Variants in GAMT observed in about 807,000 individuals in gnomAD.
GAMT encodes guanidinoacetate N-methyltransferase, also known as epididymis secretory protein Li 20.
A neutral mutation model predicts 26.9 loss-of-function variants in GAMT; 26 were observed. That is an observed-to-expected ratio of 0.97 (90% confidence interval 0.71 to 1.34). GAMT has a LOEUF of 1.34. GAMT is among the 40% of genes most tolerant of loss of function. The pLI is 0.00. For missense variants in GAMT, 412 were observed against 345.0 expected, an observed-to-expected ratio of 1.19 and a Z score of -1.54; for synonymous variants, 169 against 149.6, an observed-to-expected ratio of 1.13 and a Z score of -0.95.
intron 5 of GAMT, chr19:1,397,740 C>A: frequency 1.4e-6 from 2 of 1,406,164 alleles, no homozygotes; most frequent in Non-Finnish European, 1.9e-6. Context: ...GAGCCACCCC[C>A]GGGCACCTAC....
chr19:1,398,832 T>C (rs1195039307), intron 5 of GAMT, 84 bp downstream of exon 5: 69 of 1,577,900 alleles, frequency 4.4e-5, no homozygotes, highest in Non-Finnish European at 5.4e-5. Flanking sequence ...CCTCCCCAGG[T>C]AGCAAGGTGG....
Position 1,399,893 on chromosome 19 carries a change from G to A in GAMT, c.227C>T (p.Ser76Leu), listed in dbSNP as rs150338273. 5.1e-4 allele frequency: 821 copies of A among 1,608,680 alleles called. 3 individuals carry two copies. The highest frequency in any genetic ancestry group is 6.7e-4 in the Non-Finnish European group (786 of 1,178,380). Residue 76 changes from serine (S) to leucine (L), a missense_variant, in exon 2 of 6, where the codon TCA (serine) becomes TTA (leucine). By Grantham distance (145) the Ser-to-Leu change is moderately radical. Coordinates refer to ENST00000252288, the MANE Select transcript of GAMT (RefSeq NM_000156.6). This position sits in a 1 kb window ranked among gnomAD's most constrained non-coding sequence, Gnocchi z 6.2. ...EVGFGMAIAASKVQEAPIDEH... is the reference protein window; with the variant it reads ...EVGFGMAIAALKVQEAPIDEH... ...ATCAATGGGCGCCTCCTGCACCTTT[G>A]ACGCTGCGATGGCCATGCCAAAGCC...
chr19:1,398,719 T>G, intron 5 of GAMT, 197 bp downstream of exon 5: 1 of 1,540,206 alleles, frequency 6.5e-7, no homozygotes, highest in East Asian at 2.4e-5. Flanking sequence ...GCTGGGATTA[T>G]AGACCTGAGC....
Position 1,401,435 on chromosome 19 carries a change from CT to C in GAMT, c.41del (p.Glu14GlyfsTer28). 5 of 1,417,246 alleles carry C rather than the reference CT, an allele frequency of 3.5e-6. No homozygotes were observed. The highest frequency in any genetic ancestry group is 4.6e-6 in the Non-Finnish European group (5 of 1,085,330). The allele number at this position is 1,417,246 out of a possible 1,614,324, so 87.8% of individuals were successfully genotyped here. On this transcript the variant is annotated frameshift_variant, in exon 1 of 6. Transcript: ENST00000252288. LOFTEE classifies it high-confidence loss of function. ...PSATPIFAPG[E>X]NCSPAWGAAP... is the part of the protein sequence containing the mutation. ...CCGCCCCCCACGCGGGGCTGCAGTT[CT>C]CGCCGGGCGCGAAGATGGGGGTCGC...
At chr19:1,398,053 C>T (rs2082610589) in intron 5 of GAMT, 1 of 999,784 alleles carries the variant, frequency 1.0e-6, no homozygotes, top group Non-Finnish European at 1.2e-6. Flanking sequence ...CACTGGGGAG[C>T]CATGGGAGGT....
chr19:1,399,184 C>T lies in GAMT; in HGVS notation c.403G>A (p.Asp135Asn), dbSNP rs774144200. ...GTCTCCTCCGAGAGTGGGTACGTGT[C>T]GTACAGGATCCCTGCACGGAGAACA... Reference protein sequence around the residue: ...PDGHFDGILYDTYPLSEETWH... With the variant: ...PDGHFDGILYNTYPLSEETWH... Residue 135 changes from aspartate (D) to asparagine (N), a missense_variant, in exon 4 of 6, where the codon GAC becomes AAC. Physicochemically the swap from Asp to Asn is conservative, Grantham distance 23. Transcript: ENST00000252288. This position sits in a 1 kb window ranked among gnomAD's most constrained non-coding sequence, Gnocchi z 6.2. The T allele has an allele frequency of 3.8e-5, 61 of 1,613,480 alleles. No homozygotes were observed. The highest frequency in any genetic ancestry group is 4.6e-5 in the Non-Finnish European group (54 of 1,180,018).
intron 1 of GAMT, among the ~76,000 whole-genome samples, chr19:1,400,530 G>A (rs2082628034): frequency 6.6e-6 from 1 of 152,150 alleles, no homozygotes; most frequent in African/African-American, 2.4e-5. Flanking sequence ...CTTGGACTTT[G>A]AGCCCAGCCC....
rs1257240895 is a variant in GAMT, at chr19:1,399,970, G to A, written c.182-32C>T. The stretch of plus-strand genomic sequence containing the variant: ...AGACACAGGGCGCCTGGCATCACTA[G>A]GTGGGGCGGGCTTAGGAGGCTGCCT... On this transcript the variant is annotated intron_variant, in intron 1 of 5. Coordinates refer to ENST00000252288, the MANE Select transcript of GAMT (RefSeq NM_000156.6). This position sits in a 1 kb window ranked among gnomAD's most constrained non-coding sequence, Gnocchi z 6.2. 1.9e-6 allele frequency: 3 copies of A among 1,584,380 alleles called. No homozygotes were observed. The highest frequency in any genetic ancestry group is 2.7e-5 in the African/African-American group (2 of 74,570).
chr19:1,398,673 G>T, intron 5 of GAMT: 1 of 1,404,404 alleles, frequency 7.1e-7, no homozygotes, highest in Non-Finnish European at 9.7e-7. Context: ...TGAACTCCTA[G>T]GCTCAAGCAA....
chr19:1,398,617 T>A (rs577110649), intron 5 of GAMT: 2 of 871,364 alleles, frequency 2.3e-6, no homozygotes, highest in Non-Finnish European at 3.4e-6. Context: ...TTGTATTTTT[T>A]TTTTTTAGGA....
Position 1,399,993 on chromosome 19 carries a change from C to A in GAMT, c.182-55G>T. On this transcript the variant is annotated intron_variant, in intron 1 of 5. Coordinates refer to ENST00000252288, the MANE Select transcript of GAMT (RefSeq NM_000156.6). The surrounding 1 kb of genome is among the most constrained non-coding windows in gnomAD (Gnocchi z 6.2). ...TAGGTGGGGCGGGCTTAGGAGGCTG[C>A]CTGGAGGAGGGGCACAGGGCAGGGC... The A allele has an allele frequency of 6.4e-7, 1 of 1,562,686 alleles. No homozygotes were observed. The highest frequency in any genetic ancestry group is 1.2e-5 in the South Asian group (1 of 86,210).
intron 1 of GAMT, 73 bp downstream of exon 1, chr19:1,401,223 C>T: frequency 8.1e-7 from 1 of 1,236,724 alleles, no homozygotes; most frequent in Non-Finnish European, 1.0e-6. Flanking sequence ...GCTGCAGAGT[C>T]CCCGGGTCGG....
At chr19:1,401,014 C>T (rs1229183860) in intron 1 of GAMT, among the ~76,000 whole-genome samples, 1 of 152,232 alleles carries the variant, frequency 6.6e-6, no homozygotes, top group Non-Finnish European at 1.5e-5. Flanking sequence ...CCCAGTTTCA[C>T]CCAGGTCTCA....
chr19:1,398,576 C>T (rs776531925), intron 5 of GAMT: 2 of 666,134 alleles, frequency 3.0e-6, no homozygotes, highest in East Asian at 5.5e-5. Context: ...GCTGGGAGTA[C>T]AGGCACACGC....
In GAMT at chr19:1,399,095, C is replaced by T. The variant is rs766244395; in HGVS notation, c.459+33G>A. ...GTGGGCAGAGGGGCTTCCCCGAGGG[C>T]CTCCCGCATCCCAGCAAGTCAGAGA... On this transcript the variant is annotated intron_variant, in intron 4 of 5. Transcript: ENST00000252288. This position sits in a 1 kb window ranked among gnomAD's most constrained non-coding sequence, Gnocchi z 6.2. 3 of 1,613,328 alleles carry T rather than the reference C, an allele frequency of 1.9e-6. No homozygotes were observed. The highest frequency in any genetic ancestry group is 2.5e-6 in the Non-Finnish European group (3 of 1,179,976).
At position 1,399,808 on chromosome 19, in the gene GAMT, T is replaced by C. The variant is rs779679242; in HGVS notation, c.312A>G (p.Pro104=). The C allele has an allele frequency of 4.3e-5, 67 of 1,572,142 alleles. No homozygotes were observed. Among genetic ancestry groups the C allele is most frequent in the Middle Eastern group, 1.7e-4 (1 of 6,034 alleles). Residue 104 remains proline (P), a synonymous_variant, in exon 2 of 6, where the codon CCA becomes CCG. Transcript: ENST00000252288. The surrounding 1 kb of genome is among the most constrained non-coding windows in gnomAD (Gnocchi z 6.2). ...AGAGGGGCACCTTGTGTGTCTGCCG[T>C]GGGGCCCAGTCCCGGAGCCGCTGGA... ...GVFQRLRDWA[P]RQTHKVIPLK...
At position 1,397,492 on chromosome 19, in the gene GAMT, T is replaced by C. The variant is rs2082607477; in HGVS notation, c.578A>G (p.Gln193Arg). 1.9e-6 allele frequency: 3 copies of C among 1,604,118 alleles called. No homozygotes were observed. The highest frequency in any genetic ancestry group is 2.2e-5 in the East Asian group (1 of 44,878). ...SDITIMFEET[Q>R]VPALLEAGFR... is the part of the protein sequence containing the mutation. ...GCCGGCCTCCAGCAGCGCGGGCACC[T>C]GCGTCTCCTGGTCGGGGATGGCACC... The change falls in exon 6 of 6, where the codon CAG becomes CGG. Residue 193 changes from glutamine (Q) to arginine (R), a missense_variant. By Grantham distance (43) the Gln-to-Arg change is conservative. Transcript: ENST00000252288.
rs1031492095 is a variant in GAMT at position 1,399,214 on chromosome 19, C to A, written c.392-19G>T. ...AGGATCCCTGCACGGAGAACAGAAG[C>A]CCACGCGGTCAGGGCCGGGCTCAGC... On this transcript the variant is annotated intron_variant, in intron 3 of 5. Coordinates refer to ENST00000252288, the MANE Select transcript of GAMT (RefSeq NM_000156.6). The surrounding 1 kb of genome is among the most constrained non-coding windows in gnomAD (Gnocchi z 6.2). 5 of 1,612,974 alleles carry A rather than the reference C, an allele frequency of 3.1e-6. No homozygotes were observed. The highest frequency in any genetic ancestry group is 2.7e-5 in the African/African-American group (2 of 74,922).
At chr19:1,398,573 G>A in intron 5 of GAMT, 1 of 654,780 alleles carries the variant, frequency 1.5e-6, no homozygotes, top group African/African-American at 1.9e-5. Flanking sequence ...GTAGCTGGGA[G>A]TACAGGCACA....
Sources: gnomAD v4.1 joint callset for allele counts (sites outside exome capture counted in the v4.1 genomes callset) on GRCh38, gnomAD v4.1.1 for gene constraint, Gnocchi (gnomAD v3.1) non-coding constraint, MANE v1.5 for transcripts, NCBI Gene and HGNC (gene_info 2026-07-23, HGNC 2026-07-21) for gene names.